The following TTI2 variants were observed in gnomAD, a reference collection of about 807,000 sequenced individuals.
The protein encoded by TTI2 is TELO2-interacting protein 2.
In TTI2, 26 loss-of-function variants were observed where a neutral mutation model predicts 44.9. The ratio of observed to expected loss-of-function variants is 0.58; its 90% CI spans 0.42 to 0.80. The LOEUF is 0.80. TTI2 is among the 30% of genes least tolerant of loss of function. The probability of loss-of-function intolerance (pLI) is 0.00; values close to 1 mark genes in which losing one functional copy is unlikely to be tolerated. For missense variants in TTI2, 582 were observed against 611.6 expected, an observed-to-expected ratio of 0.95 and a Z score of 0.51; for synonymous variants, 254 against 250.9, an observed-to-expected ratio of 1.01 and a Z score of -0.12.
chr8:33,506,683 T>C (rs952515006), intron 4 of TTI2, among the ~76,000 whole-genome samples: 11 of 143,070 alleles, frequency 7.7e-5, no homozygotes, highest in Non-Finnish European at 4.5e-5. Context: ...TGAGCCACAG[T>C]GCCAGGCTTT....
Position 33,500,428 on chromosome 8 carries a change from C to A in TTI2, c.1322G>T (p.Arg441Met). The change falls in exon 7 of 8, where the codon AGG (arginine) becomes ATG (methionine). Residue 441 changes from arginine to methionine, a missense_variant. Transcript: ENST00000431156. ...AGACTCAGGTGTAAGGTTTGGATCCCTTGCTACATCACAAATCAGTTTCAA... is the reference window on the plus strand; with the variant it reads ...AGACTCAGGTGTAAGGTTTGGATCCATTGCTACATCACAAATCAGTTTCAA... Reference protein sequence around the residue: ...ALLKLICDVARDPNLTPESVK... With the variant: ...ALLKLICDVAMDPNLTPESVK... The A allele has an allele frequency of 6.2e-7, 1 of 1,614,088 alleles. No homozygotes were observed. Among genetic ancestry groups the A allele is most frequent in the Non-Finnish European group, 8.5e-7 (1 of 1,180,004 alleles).
chr8:33,508,948 C>T (rs895590983), intron 3 of TTI2, among the ~76,000 whole-genome samples: 1 of 151,672 alleles, frequency 6.6e-6, no homozygotes, highest in Non-Finnish European at 1.5e-5. Flanking sequence ...TCGAGACGGA[C>T]GTGGCCAATA....
At chr8:33,505,513 T>C (rs1809263370) in intron 4 of TTI2, among the ~76,000 whole-genome samples, 3 of 151,530 alleles carry the variant, frequency 2.0e-5, no homozygotes, top group African/African-American at 7.3e-5. Flanking sequence ...TTTTGAGATG[T>C]AGTTTCACTC....
intron 3 of TTI2, among the ~76,000 whole-genome samples, chr8:33,507,741 T>C (rs1030590029): frequency 2.0e-5 from 3 of 151,908 alleles, no homozygotes; most frequent in Non-Finnish European, 4.4e-5. Context: ...ACCCCAGCAC[T>C]TTGGAAAGCC....
intron 6 of TTI2, chr8:33,501,173 A>T (rs1809062618): frequency 6.6e-6 from 1 of 152,196 alleles, no homozygotes; most frequent in Non-Finnish European, 1.5e-5. Flanking sequence ...AAAAAACCCT[A>T]AAAAAACTTT....
chr8:33,506,235 T>C (rs1809288259), intron 4 of TTI2, among the ~76,000 whole-genome samples: 1 of 152,246 alleles, frequency 6.6e-6, no homozygotes, highest in Admixed American at 6.5e-5. Context: ...TCATTTACTC[T>C]TGGAACCATG....
At chr8:33,500,218 A>G (rs1439835872) in intron 7 of TTI2, 110 bp downstream of exon 7, 27 of 1,291,848 alleles carry the variant, frequency 2.1e-5, no homozygotes, top group Middle Eastern at 2.2e-4. Flanking sequence ...AAAACCCTCC[A>G]TGTTCATTTC....
At chr8:33,512,876 GTAA>G in intron 1 of TTI2, 164 bp from the exon 2 acceptor site, 1 of 91,668 alleles carries the variant, frequency 1.1e-5, no homozygotes, top group South Asian at 3.2e-4. Flanking sequence ...CTCCGTCTCA[GTAA>G]AAAAAAAAAA....
rs546530877 is a variant in TTI2 at position 33,510,615 on chromosome 8, G to C, written c.648-683C>G. ...TGGTCCTGAATTCCTGGCCTCAAGT[G>C]ATCTGACAGCCTTGGCCTCCCAAAG... On this transcript the variant is annotated intron_variant, in intron 2 of 7. Coordinates refer to ENST00000431156, the MANE Select transcript of TTI2 (RefSeq NM_001102401.4). Among the ~76,000 whole-genome samples the C allele has an allele frequency of 2.6e-5, 4 of 152,224 alleles. No individual in the cohort carries two copies. The East Asian group carries it at 7.7e-4, about 29-fold the overall frequency.
chr8:33,499,258 G>A lies in TTI2; in HGVS notation c.1442C>T (p.Pro481Leu). 1.2e-6 allele frequency: 2 copies of A among 1,613,770 alleles called. No individual in the cohort carries two copies. Among genetic ancestry groups the A allele is most frequent in the Non-Finnish European group, 1.7e-6 (2 of 1,179,948 alleles). The part of the protein sequence containing the change: ...GRVKGLLAKI[P>L]QSCEDRKVVN... ...CACTTTTCTGTCTTCACAGCTTTGGGGAATTTTGGCCAGGAGACCCTGAAA... is the reference window on the plus strand; with the variant it reads ...CACTTTTCTGTCTTCACAGCTTTGGAGAATTTTGGCCAGGAGACCCTGAAA... The change falls in exon 8 of 8, where the codon CCC becomes CTC. Residue 481 changes from proline to leucine, a missense_variant. Physicochemically the swap from Pro to Leu is moderately conservative, Grantham distance 98 (BLOSUM62 -3). Transcript: ENST00000431156.
chr8:33,512,693 G>A lies in TTI2; in HGVS notation c.-80C>T, dbSNP rs1447989007. On this transcript the variant is annotated 5_prime_UTR_variant, in exon 2 of 8. Transcript: ENST00000431156. ...GGGAGGGATCCGTTGAAGAGGGAAG[G>A]AGCGATCACCCAAAGAGAACTAAAA... 6.6e-7 allele frequency: 1 copy of A among 1,509,270 alleles called. No homozygotes were observed. The highest frequency in any genetic ancestry group is 9.0e-7 in the Non-Finnish European group (1 of 1,106,258). The allele number at this position is 1,509,270 out of a possible 1,614,324, so 93.5% of individuals were successfully genotyped here. A position where few individuals can be genotyped will look rare whatever the true frequency, so the allele number is the denominator to read the frequency against.
rs1392248732 is a variant in TTI2 at position 33,507,288 on chromosome 8, G to A, written c.868C>T (p.Gln290Ter). 6.2e-7 allele frequency: 1 copy of A among 1,614,150 alleles called. No individual in the cohort carries two copies. The highest frequency in any genetic ancestry group is 8.5e-7 in the Non-Finnish European group (1 of 1,180,002). ...AADLLQYNRA[Q>*]VLYHAISNHL... ...TTGGAAATGGCATGGTATAGGACCT[G>A]GGCTCTGTTATACTGGAGCAAATCA... Residue 290 changes from glutamine to a stop codon, truncating the protein, a stop_gained, in exon 4 of 8, where the codon CAG becomes TAG. Coordinates refer to ENST00000431156, the MANE Select transcript of TTI2 (RefSeq NM_001102401.4). LOFTEE classifies it high-confidence loss of function.
At chr8:33,504,673 G>A (rs1289258824) in intron 4 of TTI2, among the ~76,000 whole-genome samples, 4 of 151,772 alleles carry the variant, frequency 2.6e-5, no homozygotes, top group African/African-American at 9.7e-5. Flanking sequence ...AAAAAAAAAT[G>A]CAAAAAAAAT....
chr8:33,506,534 G>A (rs1055123774), intron 4 of TTI2, among the ~76,000 whole-genome samples: 1 of 151,352 alleles, frequency 6.6e-6, no homozygotes. Flanking sequence ...TGGGACTACA[G>A]ACACGTGCCA....
intron 2 of TTI2, 103 bp from the exon 3 acceptor site, chr8:33,510,035 G>GAA: frequency 1.2e-6 from 1 of 812,152 alleles, no homozygotes; most frequent in Non-Finnish European, 1.9e-6. Context: ...TCATGTCTTT[G>GAA]AAAAAAAAAA....
chr8:33,504,295 T>TTTTTC (rs1249116730), intron 4 of TTI2, among the ~76,000 whole-genome samples: 1 of 125,710 alleles, frequency 8.0e-6, no homozygotes, highest in East Asian at 2.2e-4. Flanking sequence ...ACACATTTTT[T>TTTTTC]TTTTTTTTTT....
intron 4 of TTI2, among the ~76,000 whole-genome samples, chr8:33,506,804 TGCCTC>T (rs1434332240): frequency 6.6e-6 from 1 of 152,104 alleles, no homozygotes; most frequent in Non-Finnish European, 1.5e-5. Flanking sequence ...ATGATTCTTG[TGCCTC>T]AGCCTCCTGA....
Position 33,512,378 on chromosome 8 carries a change from G to A in TTI2, c.236C>T (p.Pro79Leu). ...EGTGARLRGM[P>L]ETLGQVAKAL... is the part of the protein sequence containing the mutation. ...TTTTGCTACCTGCCCCAGTGTCTCC[G>A]GCATTCCGCGGAGCCGTGCACCAGT... Residue 79 changes from proline (P) to leucine (L), a missense_variant, in exon 2 of 8, where the codon CCG becomes CTG. By Grantham distance (98) the Pro-to-Leu change is moderately conservative (BLOSUM62 -3). Coordinates refer to ENST00000431156, the MANE Select transcript of TTI2 (RefSeq NM_001102401.4). 2 of 1,614,170 alleles carry A rather than the reference G, an allele frequency of 1.2e-6. No homozygotes were observed. The highest frequency in any genetic ancestry group is 1.7e-6 in the Non-Finnish European group (2 of 1,180,034).
In TTI2 at chr8:33,503,536, C is replaced by T. The variant is rs1809179548; in HGVS notation, c.1152G>A (p.Leu384=). The T allele has an allele frequency of 6.2e-7, 1 of 1,614,070 alleles. No individual in the cohort carries two copies. Among genetic ancestry groups the T allele is most frequent in the African/African-American group, 1.3e-5 (1 of 75,030 alleles). ...GILTVRHLKR[L]ERVIIGYLEV... ...CCAGATAACCAATGATGACTCTCTCCAGCCTCTTTAAGTGCCGGACAGTTA... is the reference window on the plus strand; with the variant it reads ...CCAGATAACCAATGATGACTCTCTCTAGCCTCTTTAAGTGCCGGACAGTTA... The change falls in exon 6 of 8, where the codon CTG becomes CTA. Residue 384 remains leucine, a synonymous_variant. Transcript: ENST00000431156.
Sources: gnomAD v4.1 joint callset for allele counts (sites outside exome capture counted in the v4.1 genomes callset) on GRCh38, gnomAD v4.1.1 for gene constraint, MANE v1.5 for transcripts, NCBI Gene and HGNC (gene_info 2026-07-23, HGNC 2026-07-21) for gene names.